The following SLC44A1 variants were observed in gnomAD, a reference collection of about 807,000 sequenced individuals.
SLC44A1 encodes the protein solute carrier family 44 member 1.
SLC44A1 carries 26 observed loss-of-function variants against 79.3 expected under a neutral mutation model. That is an observed-to-expected ratio of 0.33 (90% CI 0.24 to 0.46). The LOEUF (loss-of-function observed/expected upper bound fraction) is 0.46, where lower values mean the gene tolerates loss of function less well. SLC44A1 is among the 20% of genes least tolerant of loss of function. The pLI, the probability that SLC44A1 is intolerant of heterozygous loss-of-function variation, is 1.00. For missense variants in SLC44A1, 688 were observed against 798.1 expected (o/e 0.86, Z 1.66); for synonymous variants, 263 against 286.2 (o/e 0.92, Z 0.82).
At chr9:105,290,461 G>A (rs187486839) in intron 1 of SLC44A1, among the ~76,000 whole-genome samples, 11 of 152,284 alleles carry the variant, frequency 7.2e-5, no homozygotes, top group African/African-American at 2.6e-4. Context: ...AGAAAGACAG[G>A]TTAGAGATAC....
chr9:105,294,439 G>A (rs1490422410), intron 1 of SLC44A1, among the ~76,000 whole-genome samples: 1 of 151,974 alleles, frequency 6.6e-6, no homozygotes, highest in African/African-American at 2.4e-5. Context: ...GTAGAATTTG[G>A]GGTTGGTAGT....
chr9:105,412,225 TA>T (rs1418371913), intron 15 of SLC44A1, among the ~76,000 whole-genome samples: 1 of 152,230 alleles, frequency 6.6e-6, no homozygotes, highest in African/African-American at 2.4e-5. Flanking sequence ...ATTTGTTGAA[TA>T]AATATTGATT....
intron 1 of SLC44A1, among the ~76,000 whole-genome samples, chr9:105,270,501 C>G (rs541087615): frequency 6.6e-6 from 1 of 152,256 alleles, no homozygotes; most frequent in South Asian, 2.1e-4. Flanking sequence ...CTCTGCCTCC[C>G]TCTTCACCTC....
In SLC44A1 at chr9:105,344,412, G is replaced by C. The variant is rs185450090; in HGVS notation, c.407-3946G>C. 2.7e-3 allele frequency among the ~76,000 whole-genome samples: 417 copies of C among 152,286 alleles called. 2 individuals carry two copies. The highest frequency in any genetic ancestry group is 8.8e-3 in the African/African-American group (365 of 41,554). ...GCTGTCACACTGGGTGAGAGCTTAG[G>C]GGGAGGCTACTGGAATCTTGTGGAT... is the stretch of plus-strand genomic sequence containing the variant. On this transcript the variant is annotated intron_variant, in intron 4 of 15. Coordinates refer to ENST00000374720, the MANE Select transcript of SLC44A1 (RefSeq NM_080546.5).
chr9:105,407,694 G>A (rs1302037353), intron 15 of SLC44A1, among the ~76,000 whole-genome samples: 3 of 146,174 alleles, frequency 2.1e-5, no homozygotes, highest in East Asian at 2.1e-4. Flanking sequence ...ACATGAGGAA[G>A]CCTTGTCTAT....
chr9:105,318,034 A>G (rs1831373891), intron 3 of SLC44A1, among the ~76,000 whole-genome samples: 1 of 152,184 alleles, frequency 6.6e-6, no homozygotes, highest in African/African-American at 2.4e-5. Context: ...CCACTTTAGC[A>G]TAAAGTGGAA....
chr9:105,336,695 C>T (rs972148123), intron 4 of SLC44A1, among the ~76,000 whole-genome samples: 3 of 150,910 alleles, frequency 2.0e-5, no homozygotes, highest in African/African-American at 7.3e-5. Flanking sequence ...GGAACCATAG[C>T]TCTACACACA....
intron 6 of SLC44A1, chr9:105,357,059 T>C (rs1827644491): frequency 6.6e-6 from 1 of 152,210 alleles, no homozygotes; most frequent in African/African-American, 2.4e-5. Context: ...GTAAACTTAG[T>C]ATTTATGCCT....
intron 4 of SLC44A1, among the ~76,000 whole-genome samples, chr9:105,344,478 A>G (rs12377755): frequency 0.026 from 4,021 of 152,290 alleles, 55 homozygotes; most frequent in Middle Eastern, 0.061. Flanking sequence ...AATGCACAGG[A>G]CAGCCCCCTA....
chr9:105,304,960 T>G (rs1239170915), intron 2 of SLC44A1, among the ~76,000 whole-genome samples: 55 of 101,484 alleles, frequency 5.4e-4, no homozygotes, highest in African/African-American at 1.8e-3. Flanking sequence ...TTTTTTTTTT[T>G]TTTTTTTTTT....
intron 15 of SLC44A1, among the ~76,000 whole-genome samples, chr9:105,406,381 T>A (rs1829029704): frequency 6.6e-6 from 1 of 152,134 alleles, no homozygotes; most frequent in Admixed American, 6.5e-5. Context: ...AATGTCCAGT[T>A]TTCAACAACA....
intron 15 of SLC44A1, among the ~76,000 whole-genome samples, chr9:105,408,110 C>T (rs1030561581): frequency 3.3e-5 from 5 of 149,354 alleles, no homozygotes; most frequent in African/African-American, 1.2e-4. Flanking sequence ...GCCGAGATCT[C>T]GCCACTGCAC....
intron 3 of SLC44A1, among the ~76,000 whole-genome samples, chr9:105,313,963 C>T (rs976465359): frequency 2.6e-5 from 4 of 151,930 alleles, no homozygotes; most frequent in African/African-American, 7.3e-5. Flanking sequence ...TGGGTTTCGC[C>T]ATGTTGCCCA....
chr9:105,261,622 A>T (rs117178155), intron 1 of SLC44A1, among the ~76,000 whole-genome samples: 6 of 152,108 alleles, frequency 3.9e-5, no homozygotes, highest in African/African-American at 7.2e-5. Context: ...TTCAATGTTC[A>T]TGGGCTGGTG....
At position 105,390,259 on chromosome 9, in the gene SLC44A1, G is replaced by C; in HGVS notation, c.*1203G>C. On this transcript the variant is annotated 3_prime_UTR_variant, in exon 16 of 16. Coordinates refer to ENST00000374720, the MANE Select transcript of SLC44A1 (RefSeq NM_080546.5). ...ACTCCATTGTTCTGCTTGTTGTAATGGTGAATGCTTTAAGAAAAAAAAGTG... is the reference window on the plus strand; with the variant it reads ...ACTCCATTGTTCTGCTTGTTGTAATCGTGAATGCTTTAAGAAAAAAAAGTG... 9.5e-7 allele frequency: 1 copy of C among 1,054,636 alleles called. No homozygotes were observed. Among genetic ancestry groups the C allele is most frequent in the Non-Finnish European group, 1.1e-6 (1 of 875,374 alleles). 65.3% of individuals were successfully genotyped at this position (1,054,636 alleles called of 1,614,324 possible). A position where few individuals can be genotyped will look rare whatever the true frequency, so the allele number is the denominator to read the frequency against.
Position 105,393,806 on chromosome 9 carries a change from C to T in SLC44A1, c.*4750C>T. 1.0e-6 allele frequency: 1 copy of T among 985,138 alleles called. No homozygotes were observed. The highest frequency in any genetic ancestry group is 1.2e-6 in the Non-Finnish European group (1 of 829,706). 61.0% of individuals were successfully genotyped at this position (985,138 alleles called of 1,614,324 possible). A position where few individuals can be genotyped will look rare whatever the true frequency, so the allele number is the denominator to read the frequency against. ...GTTCGAGACCTATTAGGCTATTCTT[C>T]AGTTTTGATGCTCAGTTTTACAACT... On this transcript the variant is annotated 3_prime_UTR_variant, in exon 16 of 16. Coordinates refer to ENST00000374720, the MANE Select transcript of SLC44A1 (RefSeq NM_080546.5).
At chr9:105,343,063 A>G (rs1203395215) in intron 4 of SLC44A1, among the ~76,000 whole-genome samples, 10 of 151,966 alleles carry the variant, frequency 6.6e-5, no homozygotes. Context: ...TCTCAGTGCT[A>G]ATAGTTCACA....
At chr9:105,297,783 T>C (rs542739550) in intron 1 of SLC44A1, among the ~76,000 whole-genome samples, 31 of 152,310 alleles carry the variant, frequency 2.0e-4, no homozygotes, top group African/African-American at 7.2e-4. Context: ...CTAAGCCTGG[T>C]TGCACTCTAT....
At chr9:105,281,907 C>A (rs1830361696) in intron 1 of SLC44A1, among the ~76,000 whole-genome samples, 1 of 152,176 alleles carries the variant, frequency 6.6e-6, no homozygotes, top group African/African-American at 2.4e-5. Context: ...AGAATCATTA[C>A]TTAGGGCAGT....
Sources: allele counts gnomAD v4.1 joint callset (sites outside exome capture counted in the v4.1 genomes callset), GRCh38; gene constraint gnomAD v4.1.1; transcripts MANE v1.5; gene names NCBI Gene and HGNC (gene_info 2026-07-23, HGNC 2026-07-21).